ZNF804B: variants seen among roughly 807,000 people sequenced by gnomAD.
ZNF804B encodes zinc finger protein 804B, also known as zinc finger 804B.
ZNF804B carries 80 observed loss-of-function variants against 101.4 expected under a neutral mutation model. That is an observed-to-expected ratio of 0.79 (90% CI 0.66 to 0.95). The LOEUF (loss-of-function observed/expected upper bound fraction) is 0.95. Among genes scored for constraint, ZNF804B ranks in the 40% least tolerant of loss-of-function variants. ZNF804B has a pLI of 0.00. For missense variants in ZNF804B, 1,673 were observed against 1,561.9 expected (o/e 1.07, Z -1.20); for synonymous variants, 622 against 558.8 (o/e 1.11, Z -1.59).
At chr7:89,244,887 T>A (rs1357565920) in intron 2 of ZNF804B, among the ~76,000 whole-genome samples, 1 of 152,188 alleles carries the variant, frequency 6.6e-6, no homozygotes, top group African/African-American at 2.4e-5. Flanking sequence ...TAATTCACAA[T>A]CTTTATGATG....
intron 1 of ZNF804B, among the ~76,000 whole-genome samples, chr7:88,993,482 A>G (rs545417708): frequency 1.3e-5 from 2 of 152,164 alleles, no homozygotes; most frequent in African/African-American, 4.8e-5. Flanking sequence ...TTGTTTATTC[A>G]CTACTTGGCT....
intron 1 of ZNF804B, among the ~76,000 whole-genome samples, chr7:88,985,677 C>T (rs1029236605): frequency 2.0e-5 from 3 of 152,066 alleles, no homozygotes; most frequent in South Asian, 2.1e-4. Context: ...ACGTTAGCTC[C>T]TCCTTTAATG....
intron 1 of ZNF804B, among the ~76,000 whole-genome samples, chr7:89,091,559 G>A (rs570623811): frequency 1.3e-5 from 2 of 152,192 alleles, no homozygotes; most frequent in South Asian, 4.2e-4. Flanking sequence ...AGCATGATAT[G>A]GTGGTCTTGG....
intron 1 of ZNF804B, among the ~76,000 whole-genome samples, chr7:89,057,688 C>T (rs1373358012): frequency 1.3e-5 from 2 of 151,896 alleles, no homozygotes; most frequent in Non-Finnish European, 2.9e-5. Context: ...GAAAGGAGCC[C>T]AGTGGCAAAT....
At chr7:88,824,366 A>T (rs188164182) in intron 1 of ZNF804B, among the ~76,000 whole-genome samples, 21 of 152,042 alleles carry the variant, frequency 1.4e-4, no homozygotes, top group African/African-American at 5.1e-4. Flanking sequence ...CTTCCTCCAC[A>T]TTTCTCCTTG....
rs549627561 is a variant in ZNF804B at position 89,048,508 on chromosome 7, G to C, written c.109-169647G>C. On this transcript the variant is annotated intron_variant, in intron 1 of 3. Coordinates refer to ENST00000333190, the MANE Select transcript of ZNF804B (RefSeq NM_181646.5). ...GGCCAAGAGATGGTCTGTTCAGTTG[G>C]TTGGGATGCTTAGAATTTTATTTTT... 1.2e-4 allele frequency among the ~76,000 whole-genome samples: 18 copies of C among 151,838 alleles called. No homozygotes were observed. The South Asian group carries it at 2.3e-3, about 19-fold the overall frequency.
intron 1 of ZNF804B, among the ~76,000 whole-genome samples, chr7:88,815,973 T>C (rs946327541): frequency 6.6e-6 from 1 of 152,162 alleles, no homozygotes; most frequent in Non-Finnish European, 1.5e-5. Flanking sequence ...TGTCACCCCG[T>C]ACCAGGCCTC....
intron 2 of ZNF804B, among the ~76,000 whole-genome samples, chr7:89,219,301 TG>T (rs1325341287): frequency 6.6e-6 from 1 of 152,032 alleles, no homozygotes; most frequent in Non-Finnish European, 1.5e-5. Context: ...ATTAGGTCTT[TG>T]GGAAAGCAAT....
rs547999913 is a variant in ZNF804B, at chr7:89,185,906, A to C, written c.109-32249A>C. Among the ~76,000 whole-genome samples the C allele has an allele frequency of 1.2e-4, 18 of 152,146 alleles. No homozygotes were observed. The South Asian group carries it at 3.1e-3, about 26-fold the overall frequency. ...TAAGAAAAAAAGAAAAAAAAAAGAC[A>C]CAATTTTAAAAAGTTAGTCCTTATA... On this transcript the variant is annotated intron_variant, in intron 1 of 3. Transcript: ENST00000333190.
chr7:89,195,667 C>T (rs1251591652), intron 1 of ZNF804B, among the ~76,000 whole-genome samples: 4 of 151,314 alleles, frequency 2.6e-5, no homozygotes, highest in Non-Finnish European at 4.4e-5. Context: ...GAACTACAAA[C>T]CAAAAGCTTC....
intron 1 of ZNF804B, among the ~76,000 whole-genome samples, chr7:89,085,939 G>C (rs1318067174): frequency 2.6e-5 from 4 of 151,758 alleles, no homozygotes; most frequent in Non-Finnish European, 5.9e-5. Context: ...TTTAAAACAC[G>C]ATTGCTTTTC....
Position 89,211,775 on chromosome 7 carries a change from C to T in ZNF804B, c.109-6380C>T, listed in dbSNP as rs1047206516. 3.3e-5 allele frequency among the ~76,000 whole-genome samples: 5 copies of T among 152,164 alleles called. No homozygotes were observed. The South Asian group carries it at 1.0e-3, about 31-fold the overall frequency. Reference sequence around the variant, plus strand: ...TGTAGTATACTTTGAAGTCCAGTAGCATGATGACTCCAGCTTTGTTCTTTT... The same window carrying T: ...TGTAGTATACTTTGAAGTCCAGTAGTATGATGACTCCAGCTTTGTTCTTTT... On this transcript the variant is annotated intron_variant, in intron 1 of 3. Coordinates refer to ENST00000333190, the MANE Select transcript of ZNF804B (RefSeq NM_181646.5).
chr7:88,889,031 GA>G (rs1792176835), intron 1 of ZNF804B, among the ~76,000 whole-genome samples: 1 of 152,160 alleles, frequency 6.6e-6, no homozygotes. Context: ...TTATTAGTGA[GA>G]ATGTGTAGTA....
At chr7:89,031,509 C>T (rs886455228) in intron 1 of ZNF804B, among the ~76,000 whole-genome samples, 2 of 151,972 alleles carry the variant, frequency 1.3e-5, no homozygotes, top group African/African-American at 2.4e-5. Context: ...AACTTAATTT[C>T]TAAGTGATAT....
intron 1 of ZNF804B, among the ~76,000 whole-genome samples, chr7:88,934,880 T>A (rs1387326456): frequency 6.6e-6 from 1 of 151,974 alleles, no homozygotes; most frequent in African/African-American, 2.4e-5. Flanking sequence ...CTACTGGGTA[T>A]CTACCCAGAG....
chr7:88,782,662 A>G (rs10266717), intron 1 of ZNF804B, among the ~76,000 whole-genome samples: 84,568 of 151,988 alleles, frequency 0.56, 27,192 homozygotes, highest in African/African-American at 0.87. Flanking sequence ...ATTGTCATTT[A>G]TAAAGTAATT....
intron 1 of ZNF804B, among the ~76,000 whole-genome samples, chr7:88,779,114 AG>A (rs1333506911): frequency 6.6e-6 from 1 of 152,214 alleles, no homozygotes; most frequent in Non-Finnish European, 1.5e-5. Context: ...TGACATGTCA[AG>A]TATGGCAATT....
chr7:88,775,995 A>C (rs1719999213), intron 1 of ZNF804B, among the ~76,000 whole-genome samples: 1 of 152,146 alleles, frequency 6.6e-6, no homozygotes, highest in Non-Finnish European at 1.5e-5. Flanking sequence ...GCTTACAGGT[A>C]TTGATTTTAG....
chr7:89,298,201 AGTGTGTG>A (rs1562940119), intron 2 of ZNF804B, among the ~76,000 whole-genome samples: 18 of 71,548 alleles, frequency 2.5e-4, no homozygotes, highest in African/African-American at 9.1e-4. Context: ...ATATCTATAT[AGTGTGTG>A]TGTGTGTGTA....
Sources: allele counts gnomAD v4.1 joint callset (sites outside exome capture counted in the v4.1 genomes callset), GRCh38; gene constraint gnomAD v4.1.1; transcripts MANE v1.5; gene names NCBI Gene and HGNC (gene_info 2026-07-23, HGNC 2026-07-21).